CDYL: variants seen among roughly 807,000 people sequenced by gnomAD.
The protein encoded by CDYL is chromodomain Y like, also known as chromodomain Y-like protein.
In CDYL, 8 loss-of-function variants were observed where a neutral mutation model predicts 47.3. The observed-to-expected ratio is 0.17, with a 90% CI of 0.10 to 0.31. The LOEUF (loss-of-function observed/expected upper bound fraction) is 0.31. CDYL is among the 10% of genes least tolerant of loss of function. The probability of loss-of-function intolerance (pLI) is 1.00; values close to 1 mark genes in which losing one functional copy is unlikely to be tolerated. For synonymous variants in CDYL, 266 were observed against 265.0 expected (o/e 1.00, Z -0.04); for missense variants, 471 against 701.4 (o/e 0.67, Z 3.71).
intron 2 of CDYL, among the ~76,000 whole-genome samples, chr6:4,726,490 C>T (rs549337757): frequency 4.6e-4 from 68 of 148,422 alleles, no homozygotes; most frequent in African/African-American, 1.6e-3. Context: ...CAAGATCGCA[C>T]CATTGCACTC....
upstream of CDYL, chr6:4,773,222 G>A: frequency 2.2e-6 from 1 of 457,200 alleles, no homozygotes; most frequent in Non-Finnish European, 4.4e-6. The surrounding 1 kb of genome is among the most constrained non-coding windows in gnomAD (Gnocchi z 4.6). Flanking sequence ...TTAATCATGT[G>A]TGTATATCGT....
intron 1 of CDYL, among the ~76,000 whole-genome samples, chr6:4,809,360 C>T (rs1759460771): frequency 6.6e-6 from 1 of 152,162 alleles, no homozygotes; most frequent in African/African-American, 2.4e-5. Flanking sequence ...TAGAATGTTT[C>T]TGGTGTTTGT....
chr6:4,779,775 A>G (rs930248690), intron 1 of CDYL, among the ~76,000 whole-genome samples: 16 of 152,276 alleles, frequency 1.1e-4, no homozygotes, highest in African/African-American at 3.4e-4. Context: ...CAGATAATAC[A>G]TATTTTAGAC....
chr6:4,740,015 G>A (rs941889134), intron 3 of CDYL, among the ~76,000 whole-genome samples: 5 of 152,078 alleles, frequency 3.3e-5, no homozygotes, highest in African/African-American at 9.7e-5. Context: ...AAGGAAATGG[G>A]GAAGGAAAGA....
At chr6:4,716,682 C>T (rs554320684) in intron 2 of CDYL, among the ~76,000 whole-genome samples, 4 of 143,984 alleles carry the variant, frequency 2.8e-5, no homozygotes, top group African/African-American at 1.0e-4. Context: ...TGGTTTTCTA[C>T]ATTGCTAAGA....
chr6:4,706,587 C>T (rs1757050970), intron 1 of CDYL, among the ~76,000 whole-genome samples: 1 of 152,018 alleles, frequency 6.6e-6, no homozygotes, highest in Non-Finnish European at 1.5e-5. Flanking sequence ...GAGTTCGAGA[C>T]CAGCATGGCC....
intron 1 of CDYL, among the ~76,000 whole-genome samples, chr6:4,829,481 G>T (rs955944410): frequency 2.6e-5 from 4 of 152,176 alleles, no homozygotes; most frequent in African/African-American, 9.7e-5. Context: ...TGAGCCAGGT[G>T]ATCAGTCTGA....
intron 1 of CDYL, among the ~76,000 whole-genome samples, chr6:4,866,610 G>A (rs1463886426): frequency 2.0e-5 from 3 of 152,024 alleles, no homozygotes; most frequent in East Asian, 1.9e-4. Context: ...TTATTATAAC[G>A]TTGATGAGGG....
rs1355626581 is a variant in CDYL at position 4,947,630 on chromosome 6, G to A, written c.1332+3874G>A. ...GTCCCTCATTGCCAGCTGGGGAGCC[G>A]TGCAGTTTCTAAACCTCTCTCTTCA... On this transcript the variant is annotated intron_variant, in intron 5 of 6. Coordinates refer to ENST00000397588, the MANE Select transcript of CDYL (RefSeq NM_004824.4). 3.3e-5 allele frequency among the ~76,000 whole-genome samples: 5 copies of A among 149,718 alleles called. No homozygotes were observed. In the East Asian group the frequency reaches 5.8e-4, roughly 17 times the overall value.
intron 3 of CDYL, among the ~76,000 whole-genome samples, chr6:4,758,329 A>T (rs1758107146): frequency 7.3e-6 from 1 of 136,296 alleles, no homozygotes; most frequent in Non-Finnish European, 1.5e-5. Context: ...ACAGAACAAG[A>T]CTCATGTCTT....
At chr6:4,740,039 T>C (rs1400780934) in intron 3 of CDYL, among the ~76,000 whole-genome samples, 5 of 152,210 alleles carry the variant, frequency 3.3e-5, no homozygotes, top group African/African-American at 1.2e-4. Context: ...GAAGTGTTAT[T>C]GTACTTTCCT....
intron 3 of CDYL, among the ~76,000 whole-genome samples, chr6:4,761,617 C>T (rs1758177129): frequency 6.6e-6 from 1 of 152,224 alleles, no homozygotes; most frequent in Non-Finnish European, 1.5e-5. Flanking sequence ...GCTGGGATTA[C>T]AGGCATGAGC....
intron 2 of CDYL, among the ~76,000 whole-genome samples, chr6:4,892,857 G>A (rs1479322478): frequency 4.6e-5 from 7 of 152,294 alleles, no homozygotes; most frequent in East Asian, 3.9e-4. Context: ...TTTGGGAGCC[G>A]GGCTCGTTTC....
intron 1 of CDYL, among the ~76,000 whole-genome samples, chr6:4,782,068 G>A (rs1758632294): frequency 6.6e-6 from 1 of 151,682 alleles, no homozygotes; most frequent in Non-Finnish European, 1.5e-5. Flanking sequence ...AGGTGGGTGG[G>A]GGTGGGTTGG....
At chr6:4,720,215 G>A (rs1469956904) in intron 2 of CDYL, among the ~76,000 whole-genome samples, 13 of 152,182 alleles carry the variant, frequency 8.5e-5, no homozygotes, top group Admixed American at 5.9e-4. Context: ...ATTTTGGAGG[G>A]AGGAGGAGTG....
chr6:4,946,672 G>C (rs575047911), intron 5 of CDYL, among the ~76,000 whole-genome samples: 47 of 151,912 alleles, frequency 3.1e-4, no homozygotes, highest in African/African-American at 1.1e-3. Context: ...CTGACCTTGC[G>C]CCTGTGGGGC....
chr6:4,779,844 AGC>A (rs1581161580), intron 1 of CDYL, among the ~76,000 whole-genome samples: 1 of 152,230 alleles, frequency 6.6e-6, no homozygotes, highest in Non-Finnish European at 1.5e-5. Context: ...GTAGTGCAAA[AGC>A]AGTCGTAGAC....
At position 4,828,298 on chromosome 6, in the gene CDYL, C is replaced by T. The variant is rs146852611; in HGVS notation, c.24+51491C>T. On this transcript the variant is annotated intron_variant, in intron 1 of 6. Transcript: ENST00000397588. ...TAAGAGATTGGGTCTTGCTCTGTTG[C>T]CCAGGCTGGAGTGCGGTGGCATGAT... 8.6e-3 allele frequency among the ~76,000 whole-genome samples: 1,264 copies of T among 146,456 alleles called. 16 individuals carry two copies. Among genetic ancestry groups the T allele is most frequent in the African/African-American group, 0.031 (1,203 of 39,300 alleles).
chr6:4,889,108 T>A (rs1478075899), intron 1 of CDYL, among the ~76,000 whole-genome samples: 3 of 152,208 alleles, frequency 2.0e-5, no homozygotes, highest in Admixed American at 2.0e-4. Flanking sequence ...TCCATCACAA[T>A]AATTAATGGA....
Sources: gnomAD v4.1 joint callset for allele counts (sites outside exome capture counted in the v4.1 genomes callset) on GRCh38, gnomAD v4.1.1 for gene constraint, Gnocchi (gnomAD v3.1) non-coding constraint, MANE v1.5 for transcripts, NCBI Gene and HGNC (gene_info 2026-07-23, HGNC 2026-07-21) for gene names.